Variants in HACL2 observed in about 807,000 individuals in gnomAD.
HACL2 encodes 2-hydroxyacyl-CoA lyase 1 like.
the HACL2 span, among the ~76,000 whole-genome samples, chr19:15,118,656 C>T: frequency 2.6e-5 from 4 of 152,232 alleles, no homozygotes; most frequent in East Asian, 5.8e-4. Context: ...TGAATAACCG[C>T]ACTCTCCTAG....
the HACL2 span, chr19:15,115,404 C>T: frequency 1.1e-5 from 17 of 1,613,774 alleles, no homozygotes; most frequent in South Asian, 1.9e-4. Context: ...CCCCGGGCCC[C>T]CAGACCCATG....
chr19:15,118,149 A>G, the HACL2 span: 1 of 1,107,088 alleles, frequency 9.0e-7, no homozygotes, highest in Non-Finnish European at 1.3e-6. Context: ...ACCTACAGTG[A>G]CCTTGCAGCT....
chr19:15,116,671 G>T, the HACL2 span: 1 of 631,368 alleles, frequency 1.6e-6, no homozygotes, highest in Admixed American at 2.9e-5. Flanking sequence ...AAAAACAGGT[G>T]AAACACCCCA....
chr19:15,124,818 T>C, the HACL2 span: 1 of 1,434,350 alleles, frequency 7.0e-7, no homozygotes, highest in Non-Finnish European at 9.4e-7. Flanking sequence ...TCTGGACTAG[T>C]CGGGGCTCGC....
the HACL2 span, chr19:15,115,241 C>G: frequency 2.5e-6 from 4 of 1,614,056 alleles, no homozygotes; most frequent in Non-Finnish European, 3.4e-6. Context: ...AGCGTCCTGA[C>G]CCACAAGGCC....
At chr19:15,117,185 C>G in the HACL2 span, 1 of 153,556 alleles carries the variant, frequency 6.5e-6, no homozygotes, top group East Asian at 1.9e-4. Context: ...AGTCAACATC[C>G]TCAGAATGAT....
the HACL2 span, chr19:15,125,192 C>T: frequency 6.2e-6 from 6 of 969,468 alleles, no homozygotes; most frequent in Admixed American, 5.8e-5. Flanking sequence ...TGTGCGGCCA[C>T]GCCCCCAACC....
chr19:15,121,899 C>CTTT, the HACL2 span, among the ~76,000 whole-genome samples: 4 of 137,116 alleles, frequency 2.9e-5, no homozygotes, highest in African/African-American at 1.1e-4. Context: ...GGCTCTGCCA[C>CTTT]TTTTTTTTTT....
the HACL2 span, chr19:15,116,366 G>C: frequency 6.2e-7 from 1 of 1,613,834 alleles, no homozygotes; most frequent in Non-Finnish European, 8.5e-7. Context: ...AGCAGGGTCT[G>C]CCGGGAACCC....
At chr19:15,125,257 G>T in the HACL2 span, 1 of 619,410 alleles carries the variant, frequency 1.6e-6, no homozygotes, top group Non-Finnish European at 2.8e-6. Flanking sequence ...ATGCCTCTCC[G>T]TGACAAGGTC....
chr19:15,119,295 C>T, the HACL2 span: 13 of 1,603,936 alleles, frequency 8.1e-6, no homozygotes, highest in Admixed American at 6.8e-5. Context: ...AAGGTCTCCA[C>T]GGCAGCCCTG....
chr19:15,118,105 CCT>C, the HACL2 span: 2 of 1,542,146 alleles, frequency 1.3e-6, no homozygotes, highest in South Asian at 2.3e-5. Context: ...CAAATGAGTC[CCT>C]GTTCCTCACC....
At chr19:15,123,475 G>T in the HACL2 span, 1 of 1,614,202 alleles carries the variant, frequency 6.2e-7, no homozygotes, top group Non-Finnish European at 8.5e-7. This position sits in a 1 kb window ranked among gnomAD's most constrained non-coding sequence, Gnocchi z 5.1. Flanking sequence ...CCAGCAGCGG[G>T]GAAATGTGCC....
chr19:15,118,396 T>G, the HACL2 span, among the ~76,000 whole-genome samples: 1 of 152,040 alleles, frequency 6.6e-6, no homozygotes, highest in African/African-American at 2.4e-5. Flanking sequence ...TGTTCACTTT[T>G]AGAGGCCTGG....
chr19:15,115,916 C>T, the HACL2 span: 100 of 1,614,040 alleles, frequency 6.2e-5, no homozygotes, highest in Non-Finnish European at 7.7e-5. Flanking sequence ...CAAACAGGCA[C>T]CAGACCTAGT....
chr19:15,120,094 G>A, the HACL2 span: 10 of 1,511,688 alleles, frequency 6.6e-6, no homozygotes, highest in Middle Eastern at 1.7e-4. Context: ...GCAAAAGGGA[G>A]GGGGAAGAAA....
chr19:15,115,234 G>C, the HACL2 span: 1 of 1,613,822 alleles, frequency 6.2e-7, no homozygotes, highest in Non-Finnish European at 8.5e-7. Context: ...GCAGCCAAGC[G>C]TCCTGACCCA....
chr19:15,122,608 G>A, the HACL2 span: 2 of 1,141,966 alleles, frequency 1.8e-6, no homozygotes, highest in Non-Finnish European at 2.6e-6. The surrounding 1 kb of genome is among the most constrained non-coding windows in gnomAD (Gnocchi z 4.0). Flanking sequence ...GTCCACATGT[G>A]AATCAAAGGA....
At chr19:15,116,034 T>G in the HACL2 span, 1 of 1,613,944 alleles carries the variant, frequency 6.2e-7, no homozygotes, top group Non-Finnish European at 8.5e-7. Flanking sequence ...TGGCCCCAAG[T>G]GCAAATCCTG....
Sources: gnomAD v4.1 joint callset for allele counts (sites outside exome capture counted in the v4.1 genomes callset) on GRCh38, gnomAD v4.1.1 for gene constraint, Gnocchi (gnomAD v3.1) non-coding constraint, MANE v1.5 for transcripts, NCBI Gene and HGNC (gene_info 2026-07-23, HGNC 2026-07-21) for gene names.